The following CEP63 variants were observed in gnomAD, a reference collection of about 807,000 sequenced individuals.
CEP63 encodes the protein centrosomal protein of 63 kDa.
In CEP63, 84 loss-of-function variants were observed where a neutral mutation model predicts 89.1. The observed-to-expected ratio is 0.94, with a 90% CI of 0.79 to 1.13. CEP63 has a LOEUF of 1.13. Ranked by LOEUF, CEP63 falls within the 50% of genes most tolerant of loss-of-function variation. CEP63 has a pLI of 0.00. For missense variants in CEP63, 838 were observed against 813.3 expected (o/e 1.03, Z -0.37); for synonymous variants, 267 against 272.5 (o/e 0.98, Z 0.20).
At chr3:134,705,540 A>G in the CEP63 span, among the ~76,000 whole-genome samples, 1 of 152,166 alleles carries the variant, frequency 6.6e-6, no homozygotes, top group African/African-American at 2.4e-5. Flanking sequence ...TTTGGTGGGG[A>G]TGAACCTTCT....
chr3:134,678,215 TG>T, the CEP63 span, among the ~76,000 whole-genome samples: 1 of 152,090 alleles, frequency 6.6e-6, no homozygotes, highest in Non-Finnish European at 1.5e-5. Context: ...TGTGATGTGT[TG>T]CTCTCCTGCC....
At chr3:134,538,443 A>C (rs926143107) in intron 6 of CEP63, among the ~76,000 whole-genome samples, 1 of 148,012 alleles carries the variant, frequency 6.8e-6, no homozygotes, top group African/African-American at 2.4e-5. Flanking sequence ...GCAGCCAGAC[A>C]GACCAGTGAA....
rs145774367 is a variant in CEP63, at chr3:134,563,992, C to T, written c.*2457C>T. On this transcript the variant is annotated 3_prime_UTR_variant, in exon 15 of 15. Transcript: ENST00000675561. ...ACTCTGGCATCCTCTCCTGAGCAAG[C>T]CTTCTTTGATTGCTGCCTCCCAAAC... 4.4e-3 allele frequency: 671 copies of T among 152,640 alleles called. 10 individuals are homozygous for T. Among genetic ancestry groups the T allele is most frequent in the Non-Finnish European group, 3.4e-3 (235 of 68,256 alleles). 9.5% of individuals were successfully genotyped at this position (152,640 alleles called of 1,614,324 possible). A position where few individuals can be genotyped will look rare whatever the true frequency, so the allele number is the denominator to read the frequency against.
At chr3:134,717,646 A>C in the CEP63 span, among the ~76,000 whole-genome samples, 3 of 152,224 alleles carry the variant, frequency 2.0e-5, no homozygotes, top group East Asian at 5.8e-4. Flanking sequence ...GAAAAACAAA[A>C]TAAAATATGT....
chr3:134,700,831 TAC>T, the CEP63 span, among the ~76,000 whole-genome samples: 84 of 152,218 alleles, frequency 5.5e-4, no homozygotes, highest in African/African-American at 2.0e-3. Context: ...CTTCCATTCT[TAC>T]AGTTACAGGT....
chr3:134,650,963 T>A, the CEP63 span: 1 of 1,613,080 alleles, frequency 6.2e-7, no homozygotes, highest in Non-Finnish European at 8.5e-7. Flanking sequence ...AGCTCCATGA[T>A]GCCGCCTCCT....
rs115861100 is a variant in CEP63, at chr3:134,522,672, C to T, written c.223-9173C>T. ...TTCCCCTCTATGTGTCCCATGCGTTCTCATCACTTAGCTCCCATTTATAAG... is the reference window on the plus strand; with the variant it reads ...TTCCCCTCTATGTGTCCCATGCGTTTTCATCACTTAGCTCCCATTTATAAG... On this transcript the variant is annotated intron_variant, in intron 3 of 14. Coordinates refer to ENST00000675561, the MANE Select transcript of CEP63 (RefSeq NM_001353108.3). Among the ~76,000 whole-genome samples, 333 of 152,226 alleles carry T rather than the reference C, an allele frequency of 2.2e-3. 1 individual carries two copies. The highest frequency in any genetic ancestry group is 7.5e-3 in the African/African-American group (313 of 41,540).
Position 134,486,096 on chromosome 3 carries a change from T to G in CEP63, c.-132T>G. The stretch of plus-strand genomic sequence containing the variant: ...GTGCAGGGGAAGTCTGGAGAAGGCA[T>G]TGTTTCAATTATTAAAAGTGTGGGG... On this transcript the variant is annotated 5_prime_UTR_variant, in exon 1 of 15. Coordinates refer to ENST00000675561, the MANE Select transcript of CEP63 (RefSeq NM_001353108.3). 1.0e-6 allele frequency: 1 copy of G among 985,348 alleles called. No individual in the cohort carries two copies. The highest frequency in any genetic ancestry group is 1.2e-6 in the Non-Finnish European group (1 of 829,994). 61.0% of individuals were successfully genotyped at this position (985,348 alleles called of 1,614,324 possible).
the CEP63 span, among the ~76,000 whole-genome samples, chr3:134,718,296 A>G: frequency 6.6e-6 from 1 of 152,214 alleles, no homozygotes. Flanking sequence ...TCTTGCCACC[A>G]CTGAAGAAGA....
At chr3:134,496,358 A>G (rs2108080294) in intron 2 of CEP63, among the ~76,000 whole-genome samples, 1 of 150,310 alleles carries the variant, frequency 6.7e-6, no homozygotes, top group Non-Finnish European at 1.5e-5. Context: ...GTATTAATAT[A>G]TGTAAATGTT....
At chr3:134,639,173 A>G in the CEP63 span, among the ~76,000 whole-genome samples, 1 of 151,694 alleles carries the variant, frequency 6.6e-6, no homozygotes, top group Non-Finnish European at 1.5e-5. Flanking sequence ...TAGATATTCA[A>G]CAGAGACATG....
At chr3:134,757,245 A>T in the CEP63 span, among the ~76,000 whole-genome samples, 1 of 152,200 alleles carries the variant, frequency 6.6e-6, no homozygotes, top group Non-Finnish European at 1.5e-5. Context: ...TTTGTGGCTG[A>T]GCATATCACT....
intron 11 of CEP63, among the ~76,000 whole-genome samples, chr3:134,574,452 C>G (rs1958142970): frequency 6.6e-6 from 1 of 152,212 alleles, no homozygotes; most frequent in South Asian, 2.1e-4. Flanking sequence ...ACAATTATGT[C>G]TGTCTGCTGC....
the CEP63 span, among the ~76,000 whole-genome samples, chr3:134,759,479 A>G: frequency 1.3e-5 from 2 of 152,214 alleles, no homozygotes; most frequent in African/African-American, 4.8e-5. Context: ...TGGGTAATTC[A>G]TCCAAGTGAG....
chr3:134,609,728 C>A, the CEP63 span, among the ~76,000 whole-genome samples: 1 of 152,180 alleles, frequency 6.6e-6, no homozygotes, highest in African/African-American at 2.4e-5. Context: ...CCAAAAACCA[C>A]AGCCCTTTCC....
the CEP63 span, among the ~76,000 whole-genome samples, chr3:134,642,585 C>G: frequency 6.6e-6 from 1 of 152,174 alleles, no homozygotes; most frequent in East Asian, 1.9e-4. Context: ...GAGCCTGTCC[C>G]CAAAAAGTGA....
intron 3 of CEP63, among the ~76,000 whole-genome samples, chr3:134,530,995 G>C (rs994006522): frequency 6.6e-6 from 1 of 152,152 alleles, no homozygotes; most frequent in Non-Finnish European, 1.5e-5. Context: ...TGAAGGCTTG[G>C]CAGAAAATAG....
chr3:134,561,961 G>C lies in CEP63; in HGVS notation c.*426G>C. 1 of 1,017,634 alleles carries C rather than the reference G, an allele frequency of 9.8e-7. No homozygotes were observed. The highest frequency in any genetic ancestry group is 1.2e-6 in the Non-Finnish European group (1 of 849,514). The allele number at this position is 1,017,634 out of a possible 1,614,324, so 63.0% of individuals were successfully genotyped here. A position where few individuals can be genotyped will look rare whatever the true frequency, so the allele number is the denominator to read the frequency against. On this transcript the variant is annotated 3_prime_UTR_variant, in exon 15 of 15. Transcript: ENST00000675561. ...TCAAACATACCTGGATCGATAGACT[G>C]GTTTTGCCACTTACCAGCCAACGGG...
chr3:134,556,218 G>A (rs1184914426), intron 12 of CEP63, among the ~76,000 whole-genome samples: 1 of 151,402 alleles, frequency 6.6e-6, no homozygotes, highest in African/African-American at 2.4e-5. Flanking sequence ...GCATGGGCAA[G>A]GACTTCATGT....
Sources: allele counts gnomAD v4.1 joint callset (sites outside exome capture counted in the v4.1 genomes callset), GRCh38; gene constraint gnomAD v4.1.1; transcripts MANE v1.5; gene names NCBI Gene and HGNC (gene_info 2026-07-23, HGNC 2026-07-21).